DMD: variants seen among roughly 807,000 people sequenced by gnomAD.
DMD encodes dystrophin, also known as mutant dystrophin.
Under a neutral mutation model 330.1 loss-of-function variants are expected in DMD, and 63 were observed. The ratio of observed to expected loss-of-function variants is 0.19; its 90% CI spans 0.16 to 0.24. The LOEUF (loss-of-function observed/expected upper bound fraction) is 0.24. DMD is among the 10% of genes least tolerant of loss of function. The probability of loss-of-function intolerance (pLI) is 1.00; values close to 1 mark genes in which losing one functional copy is unlikely to be tolerated. For missense variants in DMD, 3,344 were observed against 2,684.1 expected, an observed-to-expected ratio of 1.25 and a Z score of -5.43; for synonymous variants, 1,223 against 959.8, an observed-to-expected ratio of 1.27 and a Z score of -5.07.
At chrX:32,847,317 T>C (rs749098222) in intron 3 of DMD, among the ~76,000 whole-genome samples, 1 of 111,913 alleles carries the variant, frequency 8.9e-6, no homozygotes, top group East Asian at 2.8e-4. Flanking sequence ...GATCCTGAAG[T>C]GGGAACTTAA....
chrX:32,410,913 C>T (rs1050546014), intron 30 of DMD, among the ~76,000 whole-genome samples: 2 of 111,451 alleles, frequency 1.8e-5, no homozygotes, highest in Non-Finnish European at 3.8e-5. Context: ...CAGGTAAACA[C>T]GTTTTATATT....
chrX:32,773,013 G>A (rs1164183306), intron 7 of DMD, among the ~76,000 whole-genome samples: 1 of 111,732 alleles, frequency 8.9e-6, no homozygotes, highest in South Asian at 3.8e-4. Flanking sequence ...CCAGCTCAGC[G>A]TGTAAAACTC....
At chrX:33,277,398 T>G (rs2053251933) in intron 1 of DMD, among the ~76,000 whole-genome samples, 1 of 111,370 alleles carries the variant, frequency 9.0e-6, no homozygotes, top group African/African-American at 3.3e-5. Flanking sequence ...ATTGTACACT[T>G]TAAAATGGTT....
chrX:33,007,184 G>A (rs1047406254), intron 2 of DMD, among the ~76,000 whole-genome samples: 6 of 110,633 alleles, frequency 5.4e-5, no homozygotes, highest in Non-Finnish European at 9.5e-5. Context: ...CAATGTACAA[G>A]CCAAGACCTT....
At chrX:31,453,985 T>C (rs2065969740) in intron 59 of DMD, among the ~76,000 whole-genome samples, 1 of 111,224 alleles carries the variant, frequency 9.0e-6, no homozygotes, top group South Asian at 3.8e-4. Flanking sequence ...ATTTTCTGTC[T>C]GAAAAATTTT....
intron 63 of DMD, among the ~76,000 whole-genome samples, chrX:31,228,367 A>C (rs2046880075): frequency 1.8e-5 from 2 of 110,699 alleles, no homozygotes; most frequent in South Asian, 7.8e-4. Flanking sequence ...GGTAACTGTC[A>C]GTGAACTGCA....
At chrX:31,151,326 A>G (rs995392221) in intron 74 of DMD, among the ~76,000 whole-genome samples, 3 of 112,552 alleles carry the variant, frequency 2.7e-5, no homozygotes. Flanking sequence ...CTTTTTATGT[A>G]GAATCCTATT....
intron 7 of DMD, among the ~76,000 whole-genome samples, chrX:32,771,527 CT>C: frequency 9.0e-6 from 1 of 111,362 alleles, no homozygotes; most frequent in African/African-American, 3.3e-5. Context: ...CACACACACT[CT>C]GCCACTACTC....
intron 53 of DMD, among the ~76,000 whole-genome samples, chrX:31,660,157 A>G (rs1390748069): frequency 8.9e-6 from 1 of 112,553 alleles, no homozygotes; most frequent in African/African-American, 3.2e-5. Flanking sequence ...GACTTTTGCT[A>G]TGAAAGCAGA....
intron 2 of DMD, among the ~76,000 whole-genome samples, chrX:32,876,664 A>G (rs112447385): frequency 8.9e-6 from 1 of 111,997 alleles, no homozygotes; most frequent in African/African-American, 3.2e-5. Flanking sequence ...TCACTACTTT[A>G]TGAGCCCCTG....
intron 1 of DMD, among the ~76,000 whole-genome samples, chrX:33,287,597 T>C (rs2053452415): frequency 9.0e-6 from 1 of 111,606 alleles, no homozygotes. Flanking sequence ...CCATACTAGC[T>C]GCTTAAGAAG....
intron 7 of DMD, among the ~76,000 whole-genome samples, chrX:32,773,435 A>G (rs903611336): frequency 1.8e-5 from 2 of 111,222 alleles, no homozygotes; most frequent in African/African-American, 6.5e-5. Flanking sequence ...ATTTTGAAAT[A>G]TAAATTATTG....
chrX:32,178,830 G>GGTGTGTGTGTGT (rs60773717), intron 44 of DMD, among the ~76,000 whole-genome samples: 14 of 99,176 alleles, frequency 1.4e-4, no homozygotes, highest in South Asian at 4.9e-4. Context: ...TATTCCAGGG[G>GGTGTGTGTGTGT]GTGTGTGTGT....
At position 31,733,068 on chromosome X, in the gene DMD, A is replaced by G. The variant is rs933322942; in HGVS notation, c.7543-3320T>C. 3.6e-5 allele frequency among the ~76,000 whole-genome samples: 4 copies of G among 111,233 alleles called. No individual in the cohort carries two copies. The Admixed American group carries it at 3.9e-4, about 11-fold the overall frequency. ...CATAAGTCAGCTACTGGGCTTTACT[A>G]AAAACTGCTTACCCCTTGGAGATGA... On this transcript the variant is annotated intron_variant, in intron 51 of 78. Transcript: ENST00000357033.
intron 7 of DMD, among the ~76,000 whole-genome samples, chrX:32,750,542 C>A (rs1189164429): frequency 2.7e-5 from 3 of 110,948 alleles, no homozygotes. Context: ...GTTTTGGAAA[C>A]CACAGAGAAG....
At chrX:31,560,714 C>T (rs954027030) in intron 55 of DMD, among the ~76,000 whole-genome samples, 3 of 111,416 alleles carry the variant, frequency 2.7e-5, no homozygotes, top group African/African-American at 6.5e-5. Context: ...GCCTACTTAA[C>T]GTGAAGATAA....
chrX:32,821,770 G>A (rs376497655), intron 5 of DMD, among the ~76,000 whole-genome samples: 4 of 110,794 alleles, frequency 3.6e-5, no homozygotes, highest in African/African-American at 1.3e-4. Flanking sequence ...CATATGGACA[G>A]AAATAGATTG....
chrX:32,456,359 T>C (rs1046375706), intron 25 of DMD, among the ~76,000 whole-genome samples: 1 of 111,149 alleles, frequency 9.0e-6, no homozygotes, highest in Non-Finnish European at 1.9e-5. Context: ...AAGGTATAAA[T>C]GTTATTTTGT....
chrX:31,969,783 C>T (rs1455961412), intron 44 of DMD, among the ~76,000 whole-genome samples: 2 of 111,652 alleles, frequency 1.8e-5, no homozygotes, highest in Admixed American at 1.9e-4. Context: ...ATCAGCAAAC[C>T]GGTGACACGG....
Sources: gnomAD v4.1 joint callset for allele counts (sites outside exome capture counted in the v4.1 genomes callset) on GRCh38, gnomAD v4.1.1 for gene constraint, MANE v1.5 for transcripts, NCBI Gene and HGNC (gene_info 2026-07-23, HGNC 2026-07-21) for gene names.